Variants in SLC29A1 observed in about 807,000 individuals in gnomAD.
The protein encoded by SLC29A1 is equilibrative nucleoside transporter 1.
In SLC29A1, 22 loss-of-function variants were observed where a neutral mutation model predicts 48.3. That is an observed-to-expected ratio of 0.46 (90% CI 0.33 to 0.65). The LOEUF (loss-of-function observed/expected upper bound fraction) is 0.65, where lower values mean the gene tolerates loss of function less well. Ranked by LOEUF, SLC29A1 falls within the 30% of genes least tolerant of loss-of-function variation. The pLI is 0.03. For missense variants in SLC29A1, 491 were observed against 575.3 expected (o/e 0.85, Z 1.50); for synonymous variants, 228 against 231.0 (o/e 0.99, Z 0.12).
upstream of SLC29A1, chr6:44,221,684 G>A (rs1200269119): frequency 1.6e-5 from 20 of 1,285,470 alleles, no homozygotes; most frequent in South Asian, 2.5e-5. This position sits in a 1 kb window ranked among gnomAD's most constrained non-coding sequence, Gnocchi z 4.2. Flanking sequence ...GGCAAGGCCT[G>A]TGTAAGTTGG....
At chr6:44,227,098 G>T in intron 1 of SLC29A1, 165 bp from the exon 2 acceptor site, 2 of 1,416,936 alleles carry the variant, frequency 1.4e-6, no homozygotes, top group Non-Finnish European at 1.8e-6. Flanking sequence ...CAGGGGGCTG[G>T]GTGGGGGTCA....
At position 44,227,303 on chromosome 6, in the gene SLC29A1, A is replaced by T; in HGVS notation, c.-11A>T. The T allele has an allele frequency of 6.2e-7, 1 of 1,614,130 alleles. No individual in the cohort carries two copies. The highest frequency in any genetic ancestry group is 8.5e-7 in the Non-Finnish European group (1 of 1,179,998). ...AGCTGTCAGCCAGGGAAAACCGAGA[A>T]CACCATCACCATGACAACCAGTCAC... On this transcript the variant is annotated 5_prime_UTR_variant, in exon 2 of 13. Coordinates refer to ENST00000371755, the MANE Select transcript of SLC29A1 (RefSeq NM_001372327.1).
intron 12 of SLC29A1, 50 bp from the exon 13 acceptor site, chr6:44,233,367 G>A: frequency 6.8e-7 from 1 of 1,477,492 alleles, no homozygotes; most frequent in Non-Finnish European, 9.5e-7. Flanking sequence ...GAGGCTCTGG[G>A]CTGGGGTACA....
upstream of SLC29A1, chr6:44,223,450 G>GGCGGAGCGCGCGGAGTCGCC (rs1776707772): frequency 2.5e-6 from 2 of 804,886 alleles, no homozygotes; most frequent in African/African-American, 3.7e-5. The surrounding 1 kb of genome is among the most constrained non-coding windows in gnomAD (Gnocchi z 5.0). Flanking sequence ...GGGTGGGAGC[G>GGCGGAGCGCGCGGAGTCGCC]GCGGAGCGCG....
At chr6:44,228,842 G>A (rs1397642849) in intron 2 of SLC29A1, among the ~76,000 whole-genome samples, 2 of 152,190 alleles carry the variant, frequency 1.3e-5, no homozygotes, top group South Asian at 4.1e-4. Context: ...GGAAGAAAAT[G>A]GCTCTAAGGC....
intron 2 of SLC29A1, among the ~76,000 whole-genome samples, chr6:44,228,778 C>G (rs1778159466): frequency 6.6e-6 from 1 of 152,224 alleles, no homozygotes; most frequent in Non-Finnish European, 1.5e-5. Flanking sequence ...TCCAGTGGCC[C>G]CATACCTCCT....
chr6:44,233,781 C>A lies in SLC29A1; in HGVS notation c.*253C>A, dbSNP rs1349577762. On this transcript the variant is annotated 3_prime_UTR_variant, in exon 13 of 13. Transcript: ENST00000371755. ...CGGCATTTGCTTGAGTTTCTCCACT[C>A]TTGGCTCTGACTGATCCCTGCTTGT... 15 of 529,406 alleles carry A rather than the reference C, an allele frequency of 2.8e-5. No individual in the cohort carries two copies. In the East Asian group the frequency reaches 4.9e-4, roughly 17 times the overall value. 32.8% of individuals were successfully genotyped at this position (529,406 alleles called of 1,614,324 possible). A position where few individuals can be genotyped will look rare whatever the true frequency, so the allele number is the denominator to read the frequency against.
upstream of SLC29A1, chr6:44,223,439 G>T: frequency 1.4e-6 from 1 of 704,886 alleles, no homozygotes; most frequent in Non-Finnish European, 1.8e-6. The surrounding 1 kb of genome is among the most constrained non-coding windows in gnomAD (Gnocchi z 5.0). Context: ...GCAGGGGCTC[G>T]GGGTGGGAGC....
At chr6:44,230,118 C>A (rs748396905) in intron 5 of SLC29A1, 72 bp downstream of exon 5, 1 of 1,579,824 alleles carries the variant, frequency 6.3e-7, no homozygotes, top group Admixed American at 1.7e-5. Context: ...TCAGACCCAG[C>A]GTTAGCCAGA....
At chr6:44,222,747 C>T (rs1311219277), upstream of SLC29A1, among the ~76,000 whole-genome samples, 1 of 152,230 alleles carries the variant, frequency 6.6e-6, no homozygotes, top group African/African-American at 2.4e-5. Context: ...AAGACATACT[C>T]AGCAAGGCTT....
chr6:44,229,303 G>C lies in SLC29A1; in HGVS notation c.30-87G>C. ...CTGTGCCCTGGGACCTAGAGAGACT[G>C]ACAACGGACAGGGGCTTTCCTGGGG... On this transcript the variant is annotated intron_variant, in intron 2 of 12. Coordinates refer to ENST00000371755, the MANE Select transcript of SLC29A1 (RefSeq NM_001372327.1). This position sits in a 1 kb window ranked among gnomAD's most constrained non-coding sequence, Gnocchi z 5.1. 9.6e-7 allele frequency: 1 copy of C among 1,041,136 alleles called. No homozygotes were observed. 64.5% of individuals were successfully genotyped at this position (1,041,136 alleles called of 1,614,324 possible).
intron 9 of SLC29A1, 149 bp downstream of exon 9, chr6:44,231,610 C>T (rs369732412): frequency 7.9e-5 from 50 of 634,584 alleles, no homozygotes; most frequent in African/African-American, 3.7e-4. Flanking sequence ...CCCATGCGTG[C>T]GTGCCGGGGG....
chr6:44,232,561 T>A lies in SLC29A1; in HGVS notation c.1059+133T>A. The A allele has an allele frequency of 1.5e-6, 1 of 678,940 alleles. No homozygotes were observed. The highest frequency in any genetic ancestry group is 2.6e-6 in the Non-Finnish European group (1 of 390,532). 42.1% of individuals were successfully genotyped at this position (678,940 alleles called of 1,614,324 possible). A position where few individuals can be genotyped will look rare whatever the true frequency, so the allele number is the denominator to read the frequency against. ...AGTCGAGGCATAATTTATGTATAGT[T>A]AAGTACAAGTCTTAAGTGTACAACT... On this transcript the variant is annotated intron_variant, in intron 11 of 12. Coordinates refer to ENST00000371755, the MANE Select transcript of SLC29A1 (RefSeq NM_001372327.1). The surrounding 1 kb of genome is among the most constrained non-coding windows in gnomAD (Gnocchi z 4.7).
At chr6:44,223,011 A>C (rs1776638608), upstream of SLC29A1, among the ~76,000 whole-genome samples, 1 of 152,192 alleles carries the variant, frequency 6.6e-6, no homozygotes, top group Non-Finnish European at 1.5e-5. This position sits in a 1 kb window ranked among gnomAD's most constrained non-coding sequence, Gnocchi z 5.0. Context: ...CTGGGACTGG[A>C]TGTGTCAGGG....
In SLC29A1 at chr6:44,232,894, C is replaced by A; in HGVS notation, c.1147C>A (p.Arg383Ser). ...PLLLLCNIKP[R>S]RYLTVVFEHD... is the part of the protein sequence containing the mutation. Reference sequence around the variant, plus strand: ...GCTGCTGCTGTGCAACATTAAGCCCCGCCGCTACCTGACTGTGGTCTTCGA... The same window carrying A: ...GCTGCTGCTGTGCAACATTAAGCCCAGCCGCTACCTGACTGTGGTCTTCGA... Residue 383 changes from arginine (R) to serine (S), a missense_variant, in exon 12 of 13, where the codon CGC (arginine) becomes AGC (serine). Physicochemically the swap from Arg to Ser is moderately radical, Grantham distance 110 (BLOSUM62 -1). Transcript: ENST00000371755. The surrounding 1 kb of genome is among the most constrained non-coding windows in gnomAD (Gnocchi z 4.7). The A allele has an allele frequency of 6.2e-7, 1 of 1,614,132 alleles. No individual in the cohort carries two copies. The highest frequency in any genetic ancestry group is 8.5e-7 in the Non-Finnish European group (1 of 1,180,040).
At chr6:44,224,067 G>A (rs936692678) in intron 1 of SLC29A1, 3 of 352,562 alleles carry the variant, frequency 8.5e-6, no homozygotes, top group Non-Finnish European at 1.2e-5. Flanking sequence ...CGGAGGTGCG[G>A]GGCTGTCTCT....
At chr6:44,219,755 C>T (rs1226796212), upstream of SLC29A1, 2 of 1,288,726 alleles carry the variant, frequency 1.6e-6, no homozygotes, top group Non-Finnish European at 2.0e-6. Context: ...CCCACCAAGT[C>T]CGGATGCTCA....
rs760221515 is a variant in SLC29A1, at chr6:44,223,691, A to G, written c.-52+50A>G. The G allele has an allele frequency of 4.0e-4, 452 of 1,122,214 alleles. 1 individual carries two copies. Among genetic ancestry groups the G allele is most frequent in the Non-Finnish European group, 4.9e-4 (440 of 900,730 alleles). The allele number at this position is 1,122,214 out of a possible 1,614,324, so 69.5% of individuals were successfully genotyped here. ...GGACTGGGGACTGCCGGGGCGGAAG[A>G]CGCCGCTGCCCGCCTGCCACGGAGG... On this transcript the variant is annotated intron_variant, in intron 1 of 12. Coordinates refer to ENST00000371755, the MANE Select transcript of SLC29A1 (RefSeq NM_001372327.1). The surrounding 1 kb of genome is among the most constrained non-coding windows in gnomAD (Gnocchi z 5.0).
intron 9 of SLC29A1, among the ~76,000 whole-genome samples, 157 bp downstream of exon 9, chr6:44,231,618 G>A (rs1778908441): frequency 6.6e-6 from 1 of 152,022 alleles, no homozygotes; most frequent in Admixed American, 6.6e-5. Context: ...TGCGTGCCGG[G>A]GGTGGGGATT....
Sources: allele counts gnomAD v4.1 joint callset (sites outside exome capture counted in the v4.1 genomes callset), GRCh38; gene constraint gnomAD v4.1.1; non-coding constraint Gnocchi (gnomAD v3.1); transcripts MANE v1.5; gene names NCBI Gene and HGNC (gene_info 2026-07-23, HGNC 2026-07-21).